Variants in XYLB observed in about 807,000 individuals in gnomAD.
XYLB encodes xylulose kinase.
Under a neutral mutation model 78.7 loss-of-function variants are expected in XYLB, and 62 were observed. That is an observed-to-expected ratio of 0.79 (90% CI 0.64 to 0.97). The LOEUF is 0.97. XYLB is among the 50% of genes least tolerant of loss of function. XYLB has a pLI of 0.00. For missense variants in XYLB, 687 were observed against 676.8 expected (o/e 1.02, Z -0.17); for synonymous variants, 245 against 247.4 (o/e 0.99, Z 0.09).
At chr3:38,383,700 G>C (rs1383947610) in intron 15 of XYLB, among the ~76,000 whole-genome samples, 2 of 152,234 alleles carry the variant, frequency 1.3e-5, no homozygotes, top group Middle Eastern at 3.4e-3. Flanking sequence ...CAGGAGGCCG[G>C]GGGGATCGCT....
chr3:38,402,463 T>C (rs1387904067), intron 18 of XYLB, among the ~76,000 whole-genome samples: 3 of 152,186 alleles, frequency 2.0e-5, no homozygotes, highest in South Asian at 4.1e-4. Context: ...ACCACACACA[T>C]AGGTGTGCCC....
chr3:38,367,133 C>T (rs1451395808), intron 7 of XYLB, among the ~76,000 whole-genome samples: 1 of 152,142 alleles, frequency 6.6e-6, no homozygotes, highest in African/African-American at 2.4e-5. Flanking sequence ...TGGGGACTGA[C>T]GTGTTCCTGA....
chr3:38,369,358 G>A (rs1054366292), intron 8 of XYLB, among the ~76,000 whole-genome samples: 2 of 152,138 alleles, frequency 1.3e-5, no homozygotes, highest in Non-Finnish European at 1.5e-5. Flanking sequence ...GCTGATAACC[G>A]CAGCAGCTGT....
intron 2 of XYLB, 53 bp from the exon 3 acceptor site, chr3:38,360,286 C>T (rs1705892917): frequency 1.9e-6 from 3 of 1,542,640 alleles, no homozygotes. Flanking sequence ...CCTGGCTTTG[C>T]AATGGTCTGC....
intron 2 of XYLB, among the ~76,000 whole-genome samples, chr3:38,353,369 T>A (rs1705470854): frequency 6.6e-6 from 1 of 152,134 alleles, no homozygotes; most frequent in Non-Finnish European, 1.5e-5. Context: ...TGCAGTGGTG[T>A]GATTCAGCTC....
At chr3:38,432,405 A>G in the XYLB span, among the ~76,000 whole-genome samples, 18 of 152,190 alleles carry the variant, frequency 1.2e-4, no homozygotes. Context: ...CATCTCTACT[A>G]AAAATACAAA....
At chr3:38,391,017 C>A (rs529480550) in intron 15 of XYLB, among the ~76,000 whole-genome samples, 11 of 152,192 alleles carry the variant, frequency 7.2e-5, no homozygotes, top group African/African-American at 2.4e-4. Flanking sequence ...GTCAGGAGTT[C>A]AAGACCAGCT....
chr3:38,408,805 C>T (rs1175252656), intron 18 of XYLB, among the ~76,000 whole-genome samples: 29 of 151,704 alleles, frequency 1.9e-4, no homozygotes, highest in African/African-American at 6.3e-4. Flanking sequence ...ATAAATTCCT[C>T]GACACATACA....
chr3:38,400,093 G>A (rs879581564), intron 17 of XYLB, among the ~76,000 whole-genome samples: 1 of 152,094 alleles, frequency 6.6e-6, no homozygotes, highest in African/African-American at 2.4e-5. Context: ...TATATCTGAC[G>A]CTACTACCTA....
chr3:38,353,530 C>G (rs1049360597), intron 2 of XYLB, among the ~76,000 whole-genome samples: 2 of 151,608 alleles, frequency 1.3e-5, no homozygotes, highest in African/African-American at 2.4e-5. Flanking sequence ...AGGCTGGTCT[C>G]GAACTCCTGG....
Position 38,348,538 on chromosome 3 carries a change from A to G in XYLB, c.58-12A>G. Reference sequence around the variant, plus strand: ...GAAAATTCTACACTTCCTTTTTTAAAATGCCTTTCAGGTAAAGGTTGTTGC... The same window carrying G: ...GAAAATTCTACACTTCCTTTTTTAAGATGCCTTTCAGGTAAAGGTTGTTGC... On this transcript the variant is annotated splice_polypyrimidine_tract_variant and intron_variant, in intron 1 of 18. Transcript: ENST00000207870. The G allele has an allele frequency of 6.2e-7, 1 of 1,614,004 alleles. No individual in the cohort carries two copies. The highest frequency in any genetic ancestry group is 8.5e-7 in the Non-Finnish European group (1 of 1,179,916).
intron 9 of XYLB, among the ~76,000 whole-genome samples, chr3:38,371,446 T>C (rs1706557190): frequency 6.6e-6 from 1 of 152,158 alleles, no homozygotes; most frequent in Non-Finnish European, 1.5e-5. Flanking sequence ...GCTAATTTTT[T>C]TATATTTTTA....
At chr3:38,383,242 G>T (rs1363065604) in intron 15 of XYLB, among the ~76,000 whole-genome samples, 3 of 152,170 alleles carry the variant, frequency 2.0e-5, no homozygotes, top group Admixed American at 6.5e-5. Context: ...AAATAACTTG[G>T]TCAGGGCTGG....
chr3:38,346,981 A>AG, intron 1 of XYLB, 56 bp downstream of exon 1: 3 of 1,377,964 alleles, frequency 2.2e-6, no homozygotes, highest in South Asian at 1.6e-5. Context: ...CGGTGGGGGT[A>AG]GGGGGCGGGC....
intron 2 of XYLB, among the ~76,000 whole-genome samples, chr3:38,352,683 C>T (rs535968280): frequency 6.6e-6 from 1 of 152,098 alleles, no homozygotes; most frequent in East Asian, 1.9e-4. Flanking sequence ...GTGGCGTGCA[C>T]CTCTAGTCCC....
the XYLB span, among the ~76,000 whole-genome samples, chr3:38,437,005 A>AACTAATAAT: frequency 7.4e-6 from 1 of 134,806 alleles, no homozygotes; most frequent in Non-Finnish European, 1.6e-5. Context: ...CTCCTTCTAA[A>AACTAATAAT]AATAATAATA....
At chr3:38,356,904 TAGGTAGATAATTA>T (rs1705687642) in intron 2 of XYLB, 1 of 152,196 alleles carries the variant, frequency 6.6e-6, no homozygotes, top group East Asian at 1.9e-4. Flanking sequence ...GTGAGGCCTT[TAGGTAGATAATTA>T]AGGTTAAATG....
downstream of XYLB, among the ~76,000 whole-genome samples, chr3:38,416,152 A>T (rs1270852891): frequency 1.3e-5 from 2 of 152,212 alleles, no homozygotes; most frequent in Non-Finnish European, 2.9e-5. Flanking sequence ...AAATAGTATC[A>T]AACTATATAT....
At position 38,414,808 on chromosome 3, in the gene XYLB, G is replaced by A. The variant is rs74878612; in HGVS notation, c.*1795G>A. On this transcript the variant is annotated 3_prime_UTR_variant, in exon 19 of 19. Transcript: ENST00000207870. The stretch of plus-strand genomic sequence containing the variant: ...GCAAAACAAACAAAGCAATATTAAA[G>A]GAAGAGCCAAAAAGACCCAGAAATA... The A allele has an allele frequency of 2.6e-5, 4 of 152,032 alleles. No individual in the cohort carries two copies. Among genetic ancestry groups the A allele is most frequent in the African/African-American group, 4.8e-5 (2 of 41,396 alleles). 9.4% of individuals were successfully genotyped at this position (152,032 alleles called of 1,614,324 possible). A position where few individuals can be genotyped will look rare whatever the true frequency, so the allele number is the denominator to read the frequency against.
Sources: allele counts gnomAD v4.1 joint callset (sites outside exome capture counted in the v4.1 genomes callset), GRCh38; gene constraint gnomAD v4.1.1; transcripts MANE v1.5; gene names NCBI Gene and HGNC (gene_info 2026-07-23, HGNC 2026-07-21).